Variants in HDAC9 observed in about 807,000 individuals in gnomAD.
The protein encoded by HDAC9 is MEF-2 interacting transcription repressor (MITR) protein.
A neutral mutation model predicts 139.4 loss-of-function variants in HDAC9; 41 were observed. The observed-to-expected ratio is 0.29, with a 90% CI of 0.23 to 0.38. The LOEUF (loss-of-function observed/expected upper bound fraction) is 0.38. Among genes scored for constraint, HDAC9 ranks in the 10% least tolerant of loss-of-function variants. The pLI, the probability that HDAC9 is intolerant of heterozygous loss-of-function variation, is 1.00. For missense variants in HDAC9, 1,147 were observed against 1,297.0 expected, an observed-to-expected ratio of 0.88 and a Z score of 1.78; for synonymous variants, 517 against 476.2, an observed-to-expected ratio of 1.09 and a Z score of -1.12.
chr7:18,148,946 G>T (rs1315693401), intron 1 of HDAC9, among the ~76,000 whole-genome samples: 1 of 152,148 alleles, frequency 6.6e-6, no homozygotes, highest in East Asian at 1.9e-4. Flanking sequence ...TTTGCAGGGG[G>T]AGGGTATTGT....
chr7:18,907,338 A>G (rs1433172055), intron 22 of HDAC9, among the ~76,000 whole-genome samples: 1 of 152,252 alleles, frequency 6.6e-6, no homozygotes, highest in African/African-American at 2.4e-5. Context: ...ACTGTTAAAC[A>G]CATTTGTCAC....
intron 1 of HDAC9, among the ~76,000 whole-genome samples, chr7:18,320,150 G>A (rs1258572643): frequency 6.6e-6 from 1 of 152,196 alleles, no homozygotes; most frequent in Non-Finnish European, 1.5e-5. Context: ...CCACACTGAG[G>A]GGCCCAGTGA....
intron 9 of HDAC9, 76 bp downstream of exon 9, chr7:18,644,869 A>T: frequency 6.8e-7 from 1 of 1,468,786 alleles, no homozygotes; most frequent in Non-Finnish European, 9.2e-7. Context: ...TTCGTGTTTT[A>T]TGTATTTAGA....
intron 3 of HDAC9, among the ~76,000 whole-genome samples, chr7:18,586,896 A>G (rs1247571394): frequency 1.3e-5 from 2 of 152,138 alleles, no homozygotes; most frequent in Non-Finnish European, 2.9e-5. Flanking sequence ...TGAATACTGA[A>G]GCTTTATTTA....
At chr7:18,267,834 G>A (rs548734587) in intron 2 of HDAC9, among the ~76,000 whole-genome samples, 27 of 152,022 alleles carry the variant, frequency 1.8e-4, no homozygotes, top group Non-Finnish European at 3.5e-4. Context: ...GCTAGATCTC[G>A]ACTGGAAATA....
chr7:18,217,146 T>C (rs181687898), intron 2 of HDAC9, among the ~76,000 whole-genome samples: 4 of 152,286 alleles, frequency 2.6e-5, no homozygotes, highest in Admixed American at 2.6e-4. Context: ...GTTTATATAT[T>C]CTACTCAGCT....
At chr7:18,383,275 C>T (rs968542196) in intron 1 of HDAC9, among the ~76,000 whole-genome samples, 10 of 152,156 alleles carry the variant, frequency 6.6e-5, no homozygotes, top group Admixed American at 5.9e-4. Context: ...ACATTTGTGG[C>T]ACAGTTACCT....
intron 14 of HDAC9, among the ~76,000 whole-genome samples, chr7:18,756,458 G>T (rs906361648): frequency 1.3e-5 from 2 of 152,164 alleles, no homozygotes; most frequent in Non-Finnish European, 1.5e-5. Context: ...GGAATAGCTG[G>T]ACTCCTTTTG....
Position 18,936,050 on chromosome 7 carries a change from T to C in HDAC9, c.2937+108T>C, listed in dbSNP as rs1033394442. On this transcript the variant is annotated intron_variant, in intron 23 of 25. Transcript: ENST00000686413. ...GCATACTCAGAAAGCTTAACATTGC[T>C]CTTACCATTAAGAAAGAAGGTAAGC... is the stretch of plus-strand genomic sequence containing the variant. 1.1e-5 allele frequency: 11 copies of C among 1,034,262 alleles called. No individual in the cohort carries two copies. The Middle Eastern group carries it at 8.1e-4, about 76-fold the overall frequency. The allele number at this position is 1,034,262 out of a possible 1,614,324, so 64.1% of individuals were successfully genotyped here.
intron 1 of HDAC9, among the ~76,000 whole-genome samples, chr7:18,152,698 G>A (rs566045155): frequency 2.0e-5 from 3 of 152,288 alleles, no homozygotes; most frequent in South Asian, 2.1e-4. Context: ...TTCATAGCAA[G>A]CACTCAATAA....
intron 2 of HDAC9, among the ~76,000 whole-genome samples, chr7:18,254,930 C>T (rs1795136495): frequency 6.6e-6 from 1 of 152,056 alleles, no homozygotes; most frequent in South Asian, 2.1e-4. Flanking sequence ...GTAGACTAAA[C>T]ATTTTTTATA....
chr7:18,914,244 C>T (rs1038415552), intron 22 of HDAC9, among the ~76,000 whole-genome samples: 6 of 151,614 alleles, frequency 4.0e-5, no homozygotes, highest in Non-Finnish European at 7.4e-5. Flanking sequence ...AACTTCCCAC[C>T]CTCCAGAAAT....
At chr7:18,847,850 A>G (rs1043492001) in intron 21 of HDAC9, among the ~76,000 whole-genome samples, 2 of 152,214 alleles carry the variant, frequency 1.3e-5, no homozygotes, top group African/African-American at 4.8e-5. Context: ...TGGTTATGCT[A>G]TGAAAGCCAA....
At chr7:18,702,731 G>A (rs1476051606) in intron 12 of HDAC9, among the ~76,000 whole-genome samples, 1 of 152,124 alleles carries the variant, frequency 6.6e-6, no homozygotes, top group Non-Finnish European at 1.5e-5. Flanking sequence ...AGGACAACTC[G>A]GCGGAACAAT....
chr7:18,922,184 A>T (rs1803814548), intron 22 of HDAC9, among the ~76,000 whole-genome samples: 1 of 152,046 alleles, frequency 6.6e-6, no homozygotes, highest in African/African-American at 2.4e-5. Context: ...TATATGTAAC[A>T]AACCTGCACG....
chr7:18,444,150 CA>C (rs1272803929), intron 1 of HDAC9, among the ~76,000 whole-genome samples: 6 of 151,572 alleles, frequency 4.0e-5, no homozygotes, highest in Non-Finnish European at 7.4e-5. Flanking sequence ...ACTAGCCTGA[CA>C]AATATGGTGA....
At chr7:18,614,350 C>G (rs1420208437) in intron 6 of HDAC9, among the ~76,000 whole-genome samples, 3 of 152,158 alleles carry the variant, frequency 2.0e-5, no homozygotes, top group African/African-American at 4.8e-5. Flanking sequence ...GCCAATGCCT[C>G]TCTCCCAAAC....
chr7:18,305,643 T>C lies in HDAC9; in HGVS notation c.-42+15128T>C, dbSNP rs369600715. 4.7e-5 allele frequency among the ~76,000 whole-genome samples: 7 copies of C among 149,168 alleles called. No individual in the cohort carries two copies. In the East Asian group the frequency reaches 9.6e-4, roughly 21 times the overall value. On this transcript the variant is annotated intron_variant, in intron 1 of 3. Coordinates refer to the HDAC9 transcript ENST00000413509. ...CAGAGAAGTAGTAATCTAGAACTGT[T>C]TGAATGACACATAGTTCTGTTGTAC... is the stretch of plus-strand genomic sequence containing the variant.
chr7:18,609,650 C>T (rs1836534725), intron 6 of HDAC9, among the ~76,000 whole-genome samples: 1 of 152,006 alleles, frequency 6.6e-6, no homozygotes, highest in African/African-American at 2.4e-5. Context: ...TTTTATTTTA[C>T]TTTAAGTTGT....
Sources: gnomAD v4.1 joint callset for allele counts (sites outside exome capture counted in the v4.1 genomes callset) on GRCh38, gnomAD v4.1.1 for gene constraint, MANE v1.5 for transcripts, NCBI Gene and HGNC (gene_info 2026-07-23, HGNC 2026-07-21) for gene names.